GAD2: variants seen among roughly 807,000 people sequenced by gnomAD.
GAD2 encodes glutamate decarboxylase 2.
A neutral mutation model predicts 80.1 loss-of-function variants in GAD2; 22 were observed. The ratio of observed to expected loss-of-function variants is 0.27; its 90% confidence interval spans 0.20 to 0.39. The LOEUF (loss-of-function observed/expected upper bound fraction) is 0.39, where lower values mean the gene tolerates loss of function less well. Among genes scored for constraint, GAD2 ranks in the 10% least tolerant of loss-of-function variants. The probability of loss-of-function intolerance (pLI) is 1.00; values close to 1 mark genes in which losing one functional copy is unlikely to be tolerated. For missense variants in GAD2, 624 were observed against 738.4 expected (o/e 0.85, Z 1.80); for synonymous variants, 274 against 256.9 (o/e 1.07, Z -0.64).
In GAD2 at chr10:26,302,746, G is replaced by A. The variant is rs1166023055; in HGVS notation, c.*1785G>A. ...GCTTCCCCCTACATTATTTCTCCTAGGCTATATGCAAAAACAGTGATAACT... is the reference window on the plus strand; with the variant it reads ...GCTTCCCCCTACATTATTTCTCCTAAGCTATATGCAAAAACAGTGATAACT... On this transcript the variant is annotated 3_prime_UTR_variant, in exon 16 of 16. Transcript: ENST00000376261. The A allele has an allele frequency of 6.6e-6, 1 of 152,154 alleles. No homozygotes were observed. Among genetic ancestry groups the A allele is most frequent in the Non-Finnish European group, 1.5e-5 (1 of 68,044 alleles). 9.4% of individuals were successfully genotyped at this position (152,154 alleles called of 1,614,324 possible).
chr10:26,291,910 C>T (rs1488368927), intron 13 of GAD2, among the ~76,000 whole-genome samples: 1 of 152,180 alleles, frequency 6.6e-6, no homozygotes, highest in African/African-American at 2.4e-5. Flanking sequence ...GAGAACTGTA[C>T]AGAGCTCGAC....
intron 8 of GAD2, among the ~76,000 whole-genome samples, chr10:26,262,730 G>A (rs368721121): frequency 7.9e-5 from 12 of 152,092 alleles, no homozygotes; most frequent in African/African-American, 2.9e-4. Flanking sequence ...TTATTCTCAT[G>A]TCATTAATTT....
intron 7 of GAD2, among the ~76,000 whole-genome samples, chr10:26,237,167 G>C (rs1391989990): frequency 6.6e-6 from 1 of 152,180 alleles, no homozygotes; most frequent in African/African-American, 2.4e-5. Flanking sequence ...AGTGTCCCTT[G>C]TTCTGGGGAA....
In GAD2 at chr10:26,217,879, C is replaced by T. The variant is rs756985033; in HGVS notation, c.174C>T (p.Ser58=). The T allele has an allele frequency of 1.2e-6, 2 of 1,604,060 alleles. No homozygotes were observed. Among genetic ancestry groups the T allele is most frequent in the East Asian group, 2.2e-5 (1 of 44,614 alleles). The change falls in exon 3 of 16, where the codon AGC becomes AGT. Residue 58 remains serine (S), a synonymous_variant. Transcript: ENST00000376261. The surrounding 1 kb of genome is among the most constrained non-coding windows in gnomAD (Gnocchi z 4.9). ...GAGACGCCGAGAAGCCGGCGGAGAG[C>T]GGCGGGAGCCAACCCCCGCGGGCCG... ...LYGDAEKPAE[S]GGSQPPRAAA... is the part of the protein sequence containing the mutation.
chr10:26,270,876 A>G (rs1490576659), intron 10 of GAD2, 120 bp downstream of exon 10: 13 of 757,894 alleles, frequency 1.7e-5, no homozygotes, highest in Non-Finnish European at 2.8e-5. Flanking sequence ...GAGTGGTGAT[A>G]TTAAAGCTTT....
chr10:26,286,619 A>G (rs1564671765), intron 13 of GAD2, 125 bp downstream of exon 13: 4 of 950,726 alleles, frequency 4.2e-6, no homozygotes, highest in Non-Finnish European at 6.0e-6. Context: ...TGCTTTCTTT[A>G]AACTTGCGTC....
At position 26,292,467 on chromosome 10, in the gene GAD2, G is replaced by C; in HGVS notation, c.1389G>C (p.Gly463=). ...FKLWLMWRAK[G]TTGFEAHVDK... The stretch of plus-strand genomic sequence containing the variant: ...AGCTGTGTCCTTCTCTTACCTAGGG[G>C]ACTACCGGGTTTGAAGCGCATGTTG... Residue 463 remains glycine, a splice_region_variant and synonymous_variant, in exon 14 of 16, where the codon GGG becomes GGC. Coordinates refer to ENST00000376261, the MANE Select transcript of GAD2 (RefSeq NM_001134366.2). The C allele has an allele frequency of 6.2e-7, 1 of 1,612,832 alleles. No homozygotes were observed. The highest frequency in any genetic ancestry group is 8.5e-7 in the Non-Finnish European group (1 of 1,178,890).
At chr10:26,285,019 A>G (rs1382747594) in intron 12 of GAD2, among the ~76,000 whole-genome samples, 2 of 152,190 alleles carry the variant, frequency 1.3e-5, no homozygotes, top group Admixed American at 6.5e-5. Context: ...CTGAGGAATA[A>G]TGGTACAAAG....
At position 26,284,700 on chromosome 10, in the gene GAD2, T is replaced by G. The variant is rs185107250; in HGVS notation, c.1237-1645T>G. On this transcript the variant is annotated intron_variant, in intron 12 of 15. Coordinates refer to ENST00000376261, the MANE Select transcript of GAD2 (RefSeq NM_001134366.2). ...GATTCTCCTGCCTCAGCCACCCCAG[T>G]AGCTGGAACTACAGGCACCCACCAC... is the stretch of plus-strand genomic sequence containing the variant. Among the ~76,000 whole-genome samples the G allele has an allele frequency of 2.1e-4, 31 of 151,026 alleles. No homozygotes were observed. The East Asian group carries it at 5.5e-3, about 27-fold the overall frequency.
intron 8 of GAD2, among the ~76,000 whole-genome samples, chr10:26,255,693 G>C (rs1343626940): frequency 6.6e-6 from 1 of 151,130 alleles, no homozygotes; most frequent in Non-Finnish European, 1.5e-5. Flanking sequence ...AAGGAAAGAA[G>C]GAATGAAGAA....
intron 6 of GAD2, among the ~76,000 whole-genome samples, chr10:26,225,483 G>A (rs907595144): frequency 6.6e-6 from 1 of 152,186 alleles, no homozygotes; most frequent in Non-Finnish European, 1.5e-5. Context: ...TCAGTGGCAG[G>A]AGCGGATGTC....
Position 26,246,014 on chromosome 10 carries a change from G to A in GAD2, c.920+14G>A, listed in dbSNP as rs546308142. ...ATGTGATGAGAGGTGAGCACGCATC[G>A]GCAACTCTTGTTGGTTAGCAATTTG... is the stretch of plus-strand genomic sequence containing the variant. On this transcript the variant is annotated intron_variant, in intron 8 of 15. Coordinates refer to ENST00000376261, the MANE Select transcript of GAD2 (RefSeq NM_001134366.2). 1.8e-5 allele frequency: 29 copies of A among 1,610,428 alleles called. No homozygotes were observed. The highest frequency in any genetic ancestry group is 8.8e-5 in the South Asian group (8 of 90,796).
In GAD2 at chr10:26,217,469, C is replaced by G. The variant is rs1026133432; in HGVS notation, c.77-141C>G. ...TGCCTTCTGCACCTGCCGGCCTCAC[C>G]GAGTCCTGAGCGGCCCCCAGGAGGA... On this transcript the variant is annotated intron_variant, in intron 1 of 15. Coordinates refer to ENST00000376261, the MANE Select transcript of GAD2 (RefSeq NM_001134366.2). This position sits in a 1 kb window ranked among gnomAD's most constrained non-coding sequence, Gnocchi z 4.9. 4.8e-6 allele frequency: 4 copies of G among 830,388 alleles called. No individual in the cohort carries two copies. The highest frequency in any genetic ancestry group is 1.7e-5 in the African/African-American group (1 of 59,268). The allele number at this position is 830,388 out of a possible 1,614,324, so 51.4% of individuals were successfully genotyped here.
chr10:26,225,666 T>A (rs1844512166), intron 6 of GAD2, among the ~76,000 whole-genome samples: 1 of 152,104 alleles, frequency 6.6e-6, no homozygotes. Context: ...GAAGAAATGA[T>A]AAGCAAGAGT....
At chr10:26,231,287 G>A (rs1255485446) in intron 7 of GAD2, among the ~76,000 whole-genome samples, 4 of 152,118 alleles carry the variant, frequency 2.6e-5, no homozygotes, top group East Asian at 3.9e-4. Context: ...GCAGGGAACC[G>A]TGGTGGGTCT....
chr10:26,270,499 C>T, intron 9 of GAD2, 141 bp from the exon 10 acceptor site: 2 of 702,770 alleles, frequency 2.8e-6, no homozygotes, highest in Non-Finnish European at 5.2e-6. Context: ...GTCCCAGACC[C>T]CGGGGTGTCA....
At chr10:26,218,665 C>T (rs1439130986) in intron 3 of GAD2, among the ~76,000 whole-genome samples, 1 of 151,872 alleles carries the variant, frequency 6.6e-6, no homozygotes, top group Non-Finnish European at 1.5e-5. Flanking sequence ...TGCCCGAAGG[C>T]ATTCGAGACA....
At chr10:26,245,275 T>A (rs1298602039) in intron 7 of GAD2, among the ~76,000 whole-genome samples, 1 of 152,088 alleles carries the variant, frequency 6.6e-6, no homozygotes, top group Non-Finnish European at 1.5e-5. Context: ...CATGCTGGGC[T>A]TAATACCTAG....
intron 8 of GAD2, among the ~76,000 whole-genome samples, chr10:26,257,429 G>C (rs1297687382): frequency 6.6e-6 from 1 of 152,130 alleles, no homozygotes; most frequent in African/African-American, 2.4e-5. Context: ...CATTCTCCCT[G>C]CTCTCTTCCA....
Sources: allele counts gnomAD v4.1 joint callset (sites outside exome capture counted in the v4.1 genomes callset), GRCh38; gene constraint gnomAD v4.1.1; non-coding constraint Gnocchi (gnomAD v3.1); transcripts MANE v1.5; gene names NCBI Gene and HGNC (gene_info 2026-07-23, HGNC 2026-07-21).